The following FAR2 variants were observed in gnomAD, a reference collection of about 807,000 sequenced individuals.
FAR2 encodes the protein epididymis secretory protein Li 81.
A neutral mutation model predicts 56.0 loss-of-function variants in FAR2; 19 were observed. The observed-to-expected ratio is 0.34, with a 90% confidence interval of 0.24 to 0.50. The LOEUF (loss-of-function observed/expected upper bound fraction) is 0.50. Ranked by LOEUF, FAR2 falls within the 20% of genes least tolerant of loss-of-function variation. The pLI, the probability that FAR2 is intolerant of heterozygous loss-of-function variation, is 0.98. For missense variants in FAR2, 508 were observed against 642.2 expected (o/e 0.79, Z 2.26); for synonymous variants, 219 against 218.8 (o/e 1.00, Z -0.01).
chr12:29,261,619 T>C (rs1354367445), intron 1 of FAR2, among the ~76,000 whole-genome samples: 2 of 152,034 alleles, frequency 1.3e-5, no homozygotes, highest in Non-Finnish European at 2.9e-5. Flanking sequence ...TCTCAAGACA[T>C]ATAATAATCA....
chr12:29,296,919 C>A, intron 3 of FAR2, 102 bp from the exon 4 acceptor site: 1 of 1,155,584 alleles, frequency 8.7e-7, no homozygotes. Context: ...GGTGCGGCCA[C>A]CAAAATCTGA....
chr12:29,324,331 A>G (rs921235959), intron 10 of FAR2, among the ~76,000 whole-genome samples: 1 of 152,202 alleles, frequency 6.6e-6, no homozygotes, highest in African/African-American at 2.4e-5. Flanking sequence ...TCTGCAGGGT[A>G]TTATCCAGGA....
At chr12:29,221,579 C>T (rs1382084020) in intron 1 of FAR2, among the ~76,000 whole-genome samples, 1 of 152,110 alleles carries the variant, frequency 6.6e-6, no homozygotes, top group African/African-American at 2.4e-5. Context: ...CCCATCTATT[C>T]GATTTCTCTT....
chr12:29,279,758 A>G (rs1948757751), intron 2 of FAR2, among the ~76,000 whole-genome samples: 1 of 152,092 alleles, frequency 6.6e-6, no homozygotes, highest in Non-Finnish European at 1.5e-5. Context: ...TCTCTCCTCA[A>G]TCAGAGAGAT....
chr12:29,172,458 TTC>T (rs1487532286), intron 1 of FAR2, among the ~76,000 whole-genome samples: 1 of 152,246 alleles, frequency 6.6e-6, no homozygotes, highest in Non-Finnish European at 1.5e-5. Context: ...CTGCTCCATT[TTC>T]TGTCCTCTCT....
At chr12:29,160,708 G>A (rs1949774806) in intron 1 of FAR2, among the ~76,000 whole-genome samples, 1 of 152,114 alleles carries the variant, frequency 6.6e-6, no homozygotes, top group South Asian at 2.1e-4. Flanking sequence ...GGAAGGATCT[G>A]TTCCAGACCT....
Position 29,333,907 on chromosome 12 carries a change from A to C in FAR2, c.*113A>C. On this transcript the variant is annotated 3_prime_UTR_variant, in exon 12 of 12. Transcript: ENST00000536681. ...GAATATGCCCAAACTGTCAAATGTC[A>C]CCTGTTATGTATTCGTCCCTATTCC... 3 of 988,320 alleles carry C rather than the reference A, an allele frequency of 3.0e-6. No individual in the cohort carries two copies. The highest frequency in any genetic ancestry group is 4.5e-6 in the Non-Finnish European group (3 of 665,558). The allele number at this position is 988,320 out of a possible 1,614,324, so 61.2% of individuals were successfully genotyped here.
chr12:29,189,119 G>T (rs1453506027), intron 1 of FAR2, among the ~76,000 whole-genome samples: 3 of 152,014 alleles, frequency 2.0e-5, no homozygotes, highest in Non-Finnish European at 4.4e-5. Flanking sequence ...AGGAGAAGGG[G>T]GAAAGGGAAC....
At chr12:29,192,576 G>A (rs187929360) in intron 1 of FAR2, among the ~76,000 whole-genome samples, 70 of 152,176 alleles carry the variant, frequency 4.6e-4, no homozygotes, top group African/African-American at 1.6e-3. Flanking sequence ...CTAGTTTTGG[G>A]TAACTCTAAA....
chr12:29,192,337 A>G (rs1227538918), intron 1 of FAR2, among the ~76,000 whole-genome samples: 3 of 152,242 alleles, frequency 2.0e-5, no homozygotes, highest in African/African-American at 7.2e-5. Flanking sequence ...AATTGGACGC[A>G]TGAAGCCCCT....
intron 5 of FAR2, among the ~76,000 whole-genome samples, chr12:29,308,689 GACACACACACACACAC>G (rs57435586): frequency 1.5e-4 from 21 of 137,392 alleles, no homozygotes; most frequent in Non-Finnish European, 2.7e-4. Flanking sequence ...CAGACACACA[GACACACACACACACAC>G]ACACACACAC....
At chr12:29,174,293 CA>C (rs987000836) in intron 1 of FAR2, among the ~76,000 whole-genome samples, 2 of 151,658 alleles carry the variant, frequency 1.3e-5, no homozygotes, top group African/African-American at 4.8e-5. Context: ...GGGCTTTGGG[CA>C]AAAAATATGT....
chr12:29,242,591 G>A (rs895174921), intron 1 of FAR2, among the ~76,000 whole-genome samples: 3 of 152,170 alleles, frequency 2.0e-5, no homozygotes, highest in Admixed American at 2.0e-4. Flanking sequence ...AAATACAGAA[G>A]TAGGATTGCC....
intron 1 of FAR2, among the ~76,000 whole-genome samples, chr12:29,170,265 C>A (rs2136586109): frequency 6.6e-6 from 1 of 152,344 alleles, no homozygotes; most frequent in East Asian, 1.9e-4. Flanking sequence ...GAGGAAACAT[C>A]TATCTCCTGT....
At chr12:29,309,692 A>G (rs1358678791) in intron 6 of FAR2, 2 of 152,620 alleles carry the variant, frequency 1.3e-5, no homozygotes, top group Admixed American at 6.5e-5. Context: ...AATACAAGAA[A>G]GAGAACTACC....
intron 1 of FAR2, among the ~76,000 whole-genome samples, chr12:29,165,470 AC>A (rs1174000990): frequency 6.6e-6 from 1 of 152,224 alleles, no homozygotes; most frequent in East Asian, 1.9e-4. Flanking sequence ...CAAGCAATTA[AC>A]ATAAAAATAT....
chr12:29,316,822 T>C lies in FAR2; in HGVS notation c.956-19T>C. 2 of 1,613,316 alleles carry C rather than the reference T, an allele frequency of 1.2e-6. No individual in the cohort carries two copies. The highest frequency in any genetic ancestry group is 2.2e-5 in the South Asian group (2 of 91,012). ...TATTCTCCTTTTCTCCTCTAGCACTTACTTTCTTTTTTCCCCAGGAGTCCA... is the reference window on the plus strand; with the variant it reads ...TATTCTCCTTTTCTCCTCTAGCACTCACTTTCTTTTTTCCCCAGGAGTCCA... On this transcript the variant is annotated intron_variant, in intron 8 of 11. Transcript: ENST00000536681.
chr12:29,179,168 G>T (rs1256077953), intron 1 of FAR2, among the ~76,000 whole-genome samples: 1 of 152,124 alleles, frequency 6.6e-6, no homozygotes, highest in African/African-American at 2.4e-5. Flanking sequence ...TCCAAATATG[G>T]TCACATTCTG....
intron 9 of FAR2, among the ~76,000 whole-genome samples, chr12:29,319,237 C>G (rs774931671): frequency 3.9e-5 from 6 of 152,052 alleles, no homozygotes; most frequent in Non-Finnish European, 7.4e-5. Context: ...GCAAGTCACC[C>G]GCCTCGGCCT....
Sources: allele counts gnomAD v4.1 joint callset (sites outside exome capture counted in the v4.1 genomes callset), GRCh38; gene constraint gnomAD v4.1.1; transcripts MANE v1.5; gene names NCBI Gene and HGNC (gene_info 2026-07-23, HGNC 2026-07-21).